BRCA1: variants seen among roughly 807,000 people sequenced by gnomAD.
BRCA1 encodes the protein BRCA1 DNA repair associated.
Under a neutral mutation model 173.7 loss-of-function variants are expected in BRCA1, and 140 were observed. The observed-to-expected ratio is 0.81, with a 90% CI of 0.70 to 0.93. The LOEUF is 0.93. Ranked by LOEUF, BRCA1 falls within the 40% of genes least tolerant of loss-of-function variation. The pLI is 0.00. For synonymous variants in BRCA1, 662 were observed against 756.0 expected, an observed-to-expected ratio of 0.88 and a Z score of 2.04; for missense variants, 1,983 against 2,172.5, an observed-to-expected ratio of 0.91 and a Z score of 1.73.
chr17:43,069,749 T>A (rs1376877894), intron 15 of BRCA1, among the ~76,000 whole-genome samples: 1 of 152,178 alleles, frequency 6.6e-6, no homozygotes, highest in Non-Finnish European at 1.5e-5. Context: ...GCCACAGAGA[T>A]GTTATGCTAA....
Position 43,074,320 on chromosome 17 carries a change from T to C in BRCA1, c.4675+11A>G, listed in dbSNP as rs750095985. 9.9e-6 allele frequency: 16 copies of C among 1,612,054 alleles called. No individual in the cohort carries two copies. In the Admixed American group the frequency reaches 1.7e-4, roughly 17 times the overall value. ...AAAGTGTTTGTTCCAATACAGCAGA[T>C]GAAATATTACCTAGATCTTGCCTTG... On this transcript the variant is annotated intron_variant, in intron 14 of 22. Coordinates refer to ENST00000357654, the MANE Select transcript of BRCA1 (RefSeq NM_007294.4).
At chr17:43,053,069 G>A (rs576707211) in intron 19 of BRCA1, among the ~76,000 whole-genome samples, 38 of 151,740 alleles carry the variant, frequency 2.5e-4, no homozygotes, top group Non-Finnish European at 5.1e-4. Context: ...GTAGAAACGG[G>A]GTTTCACTAT....
At chr17:43,160,923 T>C (rs1471312847) in intron 1 of BRCA1, 2 of 152,206 alleles carry the variant, frequency 1.3e-5, no homozygotes, top group Non-Finnish European at 2.9e-5. Context: ...TTCCTATTAC[T>C]ATTATAACTC....
chr17:43,113,341 T>C (rs1289323845), intron 3 of BRCA1, among the ~76,000 whole-genome samples: 2 of 151,696 alleles, frequency 1.3e-5, no homozygotes, highest in Non-Finnish European at 2.9e-5. Flanking sequence ...TATGCAAAGT[T>C]AGCTTATTTT....
chr17:43,075,027 G>T (rs1160397040), intron 13 of BRCA1, among the ~76,000 whole-genome samples: 1 of 143,066 alleles, frequency 7.0e-6, no homozygotes, highest in African/African-American at 2.6e-5. Context: ...AAAGAAAGAA[G>T]GAAAGAAGGA....
Position 43,074,407 on chromosome 17 carries a change from A to G in BRCA1, c.4599T>C (p.Asp1533=), listed in dbSNP as rs1131692095. ...PSQEELIKVV[D]VEEQQLEESG... is the part of the protein sequence containing the mutation. ...ACTCTTCCAGCTGTTGCTCCTCCAC[A>G]TCAACAACCTTAATGAGCTCCTCTT... Residue 1533 remains aspartate, a synonymous_variant, in exon 14 of 23, where the codon GAT becomes GAC. Coordinates refer to ENST00000357654, the MANE Select transcript of BRCA1 (RefSeq NM_007294.4). 6.2e-7 allele frequency: 1 copy of G among 1,614,130 alleles called. No individual in the cohort carries two copies. Among genetic ancestry groups the G allele is most frequent in the Non-Finnish European group, 8.5e-7 (1 of 1,180,004 alleles).
rs2152354724 is a variant in BRCA1, at chr17:43,045,092, C to T, written c.*586G>A. On this transcript the variant is annotated 3_prime_UTR_variant, in exon 23 of 23. Coordinates refer to ENST00000357654, the MANE Select transcript of BRCA1 (RefSeq NM_007294.4). ...GTGCTGGGATTACAGGCGTGAGCCA[C>T]CATGCCCAGGTTTCAAGTTTCCTTT... 1 of 529,508 alleles carries T rather than the reference C, an allele frequency of 1.9e-6. No homozygotes were observed. Among genetic ancestry groups the T allele is most frequent in the South Asian group, 1.5e-5 (1 of 65,118 alleles). The allele number at this position is 529,508 out of a possible 1,614,324, so 32.8% of individuals were successfully genotyped here. A position where few individuals can be genotyped will look rare whatever the true frequency, so the allele number is the denominator to read the frequency against.
chr17:43,165,128 T>C (rs1196012092), intron 1 of BRCA1, among the ~76,000 whole-genome samples: 1 of 152,240 alleles, frequency 6.6e-6, no homozygotes, highest in Non-Finnish European at 1.5e-5. Context: ...TAATAAAACC[T>C]TGTAGACATA....
rs1555583978 is a variant in BRCA1, at chr17:43,082,400, A to G, written c.4357+4T>C. 6.2e-7 allele frequency: 1 copy of G among 1,613,362 alleles called. No individual in the cohort carries two copies. Among genetic ancestry groups the G allele is most frequent in the South Asian group, 1.1e-5 (1 of 91,062 alleles). On this transcript the variant is annotated splice_donor_region_variant and intron_variant, in intron 12 of 22. Coordinates refer to ENST00000357654, the MANE Select transcript of BRCA1 (RefSeq NM_007294.4). The stretch of plus-strand genomic sequence containing the variant: ...GATATCAGTGTTTGGCCAACAATAC[A>G]CACCTTTTTCTGATGTGCTTTGTTC...
intron 18 of BRCA1, 56 bp from the exon 19 acceptor site, chr17:43,057,191 T>C (rs2153410034): frequency 1.9e-6 from 3 of 1,546,538 alleles, no homozygotes; most frequent in Non-Finnish European, 1.8e-6. Context: ...CTTCCTTCAA[T>C]GGAAGTGGAG....
intron 3 of BRCA1, among the ~76,000 whole-genome samples, chr17:43,114,365 T>C (rs2055170138): frequency 6.6e-6 from 1 of 151,116 alleles, no homozygotes; most frequent in African/African-American, 2.4e-5. Flanking sequence ...GGTTAATCTT[T>C]AGCTCTCTGT....
At chr17:43,051,995 T>C (rs927672010) in intron 19 of BRCA1, among the ~76,000 whole-genome samples, 1 of 152,196 alleles carries the variant, frequency 6.6e-6, no homozygotes, top group Non-Finnish European at 1.5e-5. Flanking sequence ...ACTCTGAGAA[T>C]GGCCATTGTA....
In BRCA1 at chr17:43,091,651, TAGC is replaced by T. The variant is rs1555586867; in HGVS notation, c.3877_3879del (p.Ala1293del). 6.2e-7 allele frequency: 1 copy of T among 1,614,088 alleles called. No homozygotes were observed. Among genetic ancestry groups the T allele is most frequent in the African/African-American group, 1.3e-5 (1 of 74,942 alleles). ...TCACTGCACTGTGAAGAAAACAAGC[TAGC>T]AGAACATTTTGTTTCCTCACTAAGG... On this transcript the variant is annotated inframe_deletion, in exon 10 of 23. Transcript: ENST00000357654.
Position 43,091,975 on chromosome 17 carries a change from G to A in BRCA1, c.3556C>T (p.Leu1186Phe), listed in dbSNP as rs1555587505. The change falls in exon 10 of 23, where the codon CTT (leucine) becomes TTT (phenylalanine). Residue 1186 changes from leucine (L) to phenylalanine (F), a missense_variant. Transcript: ENST00000357654. ...GTGAAAGGGCTAGGACTCCTGCTAA[G>A]CTCTCCTTTCTGGACGCTTTTGCTA... ...VFSKSVQKGE[L>F]SRSPSPFTHT... is the part of the protein sequence containing the mutation. The A allele has an allele frequency of 6.2e-7, 1 of 1,614,106 alleles. No individual in the cohort carries two copies. The highest frequency in any genetic ancestry group is 2.2e-5 in the East Asian group (1 of 44,876).
At chr17:43,142,974 A>G (rs199850758) in intron 1 of BRCA1, among the ~76,000 whole-genome samples, 1 of 72,306 alleles carries the variant, frequency 1.4e-5, no homozygotes, top group African/African-American at 3.9e-5. Context: ...GTGTATATAT[A>G]TGTGTGTATA....
At chr17:43,059,469 C>CACAACAACAACAACAACAACA (rs746155740) in intron 18 of BRCA1, among the ~76,000 whole-genome samples, 6 of 147,440 alleles carry the variant, frequency 4.1e-5, no homozygotes, top group African/African-American at 1.5e-4. Context: ...GAGATGCTGT[C>CACAACAACAACAACAACAACA]ACAACAACAA....
chr17:43,057,246 A>C, intron 18 of BRCA1, 111 bp from the exon 19 acceptor site: 13 of 1,011,918 alleles, frequency 1.3e-5, no homozygotes, highest in Non-Finnish European at 1.9e-5. Flanking sequence ...GCAGTGGCTC[A>C]CCCCTGTAAT....
At chr17:43,110,586 TCA>T in intron 3 of BRCA1, 3 of 353,278 alleles carry the variant, frequency 8.5e-6, no homozygotes, top group South Asian at 2.1e-5. Context: ...AGACCCTGTC[TCA>T]AAAAAAAAAA....
intron 3 of BRCA1, chr17:43,112,507 G>C (rs532285174): frequency 1.3e-3 from 202 of 152,260 alleles, no homozygotes; most frequent in African/African-American, 4.6e-3. Flanking sequence ...AGCTACTTGA[G>C]GGGCTGAGAT....
Sources: gnomAD v4.1 joint callset for allele counts (sites outside exome capture counted in the v4.1 genomes callset) on GRCh38, gnomAD v4.1.1 for gene constraint, MANE v1.5 for transcripts, NCBI Gene and HGNC (gene_info 2026-07-23, HGNC 2026-07-21) for gene names.